MTA1: variants seen among roughly 807,000 people sequenced by gnomAD.
The protein encoded by MTA1 is metastasis-associated protein MTA1.
Under a neutral mutation model 97.0 loss-of-function variants are expected in MTA1, and 15 were observed. The observed-to-expected ratio is 0.15, with a 90% CI of 0.10 to 0.24. The LOEUF is 0.24. Ranked by LOEUF, MTA1 falls within the 10% of genes least tolerant of loss-of-function variation. MTA1 has a pLI of 1.00. For synonymous variants in MTA1, 435 were observed against 417.5 expected (o/e 1.04, Z -0.51); for missense variants, 709 against 1,015.1 (o/e 0.70, Z 4.10).
chr14:105,468,503 G>A (rs1213960923), intron 18 of MTA1, among the ~76,000 whole-genome samples: 3 of 152,216 alleles, frequency 2.0e-5, no homozygotes, highest in Non-Finnish European at 4.4e-5. Context: ...CAAACTGGCA[G>A]GGAAAGGCTG....
intron 1 of MTA1, among the ~76,000 whole-genome samples, chr14:105,423,726 C>G (rs1325044817): frequency 6.6e-6 from 1 of 152,256 alleles, no homozygotes; most frequent in Non-Finnish European, 1.5e-5. Context: ...CCATCATCTG[C>G]GCTCTGGCGC....
intron 7 of MTA1, among the ~76,000 whole-genome samples, chr14:105,456,902 C>T (rs587760387): frequency 1.2e-4 from 19 of 152,336 alleles, no homozygotes; most frequent in Non-Finnish European, 2.8e-4. Flanking sequence ...GCATTGTTTC[C>T]TAGAGGCCGC....
Position 105,424,129 on chromosome 14 carries a change from C to T in MTA1, c.28+4066C>T, listed in dbSNP as rs1439715519. Among the ~76,000 whole-genome samples, 1 of 152,256 alleles carries T rather than the reference C, an allele frequency of 6.6e-6. No homozygotes were observed. The highest frequency in any genetic ancestry group is 2.4e-5 in the African/African-American group (1 of 41,466). On this transcript the variant is annotated intron_variant, in intron 1 of 20. Transcript: ENST00000331320. This position sits in a 1 kb window ranked among gnomAD's most constrained non-coding sequence, Gnocchi z 4.0. ...AGCACTGCGCCATTGGCAGCCCTGG[C>T]TCACTCTCCAGGCAGGATGGGCCAC...
In MTA1 at chr14:105,460,832, C is replaced by T. The variant is rs1249186256; in HGVS notation, c.821C>T (p.Pro274Leu). The T allele has an allele frequency of 1.9e-6, 3 of 1,611,726 alleles. No individual in the cohort carries two copies. The highest frequency in any genetic ancestry group is 2.5e-6 in the Non-Finnish European group (3 of 1,179,274). Residue 274 changes from proline to leucine, a missense_variant, in exon 10 of 21, where the codon CCG (proline) becomes CTG (leucine). By Grantham distance (98) the Pro-to-Leu change is moderately conservative. Transcript: ENST00000331320. The part of the protein sequence containing the change: ...DISKAISALV[P>L]QGGPVLCRDE... Reference sequence around the variant, plus strand: ...TCCAAGGCCATCTCGGCGCTGGTGCCGCAGGGCGGGCCCGTGCTCTGCAGG... The same window carrying T: ...TCCAAGGCCATCTCGGCGCTGGTGCTGCAGGGCGGGCCCGTGCTCTGCAGG...
rs1055825359 is a variant in MTA1, at chr14:105,424,221, G to T, written c.28+4158G>T. On this transcript the variant is annotated intron_variant, in intron 1 of 20. Coordinates refer to ENST00000331320, the MANE Select transcript of MTA1 (RefSeq NM_004689.4). The surrounding 1 kb of genome is among the most constrained non-coding windows in gnomAD (Gnocchi z 4.0). ...TCCACCTTTGTTTTTTTGAGACGGA[G>T]TCTCGCTCTGTCCCCCAGGCTGGAG... 2.0e-4 allele frequency among the ~76,000 whole-genome samples: 31 copies of T among 152,334 alleles called. No individual in the cohort carries two copies. Among genetic ancestry groups the T allele is most frequent in the African/African-American group, 7.0e-4 (29 of 41,580 alleles).
At position 105,470,397 on chromosome 14, in the gene MTA1, G is replaced by A. The variant is rs2083793052; in HGVS notation, c.*182G>A. The A allele has an allele frequency of 3.7e-6, 2 of 536,374 alleles. No individual in the cohort carries two copies. Among genetic ancestry groups the A allele is most frequent in the Non-Finnish European group, 6.2e-6 (2 of 324,772 alleles). The allele number at this position is 536,374 out of a possible 1,614,324, so 33.2% of individuals were successfully genotyped here. ...AAGAAGCGCGGCTAACTTATTCCGA[G>A]AATGCCGAGGAGTTGTCGTTTTTAG... On this transcript the variant is annotated 3_prime_UTR_variant, in exon 21 of 21. Coordinates refer to ENST00000331320, the MANE Select transcript of MTA1 (RefSeq NM_004689.4).
chr14:105,448,858 G>A (rs1044817691), intron 3 of MTA1, among the ~76,000 whole-genome samples: 1 of 152,260 alleles, frequency 6.6e-6, no homozygotes, highest in South Asian at 2.1e-4. Flanking sequence ...TGGGGACCTT[G>A]GGCTCAGAGA....
chr14:105,425,495 C>T (rs906602085), intron 1 of MTA1, among the ~76,000 whole-genome samples: 8 of 152,126 alleles, frequency 5.3e-5, no homozygotes, highest in African/African-American at 9.7e-5. Context: ...AGGCTGGTCT[C>T]GAACTCCCGT....
At chr14:105,464,170 G>A in intron 13 of MTA1, 23 bp downstream of exon 13, 2 of 1,599,526 alleles carry the variant, frequency 1.3e-6, no homozygotes, top group Non-Finnish European at 1.7e-6. Flanking sequence ...GATGGCCGGG[G>A]GCACACCGCA....
chr14:105,436,455 A>G (rs2082326920), intron 1 of MTA1, among the ~76,000 whole-genome samples: 1 of 152,342 alleles, frequency 6.6e-6, no homozygotes, highest in East Asian at 1.9e-4. Flanking sequence ...GGAAGTCCAT[A>G]GTCATGTTGT....
At chr14:105,441,788 T>C (rs150040927) in intron 2 of MTA1, among the ~76,000 whole-genome samples, 7,450 of 152,020 alleles carry the variant, frequency 0.049, 624 homozygotes, top group African/African-American at 0.17. Flanking sequence ...AGCGAGACTC[T>C]GTCTCAAAAA....
At chr14:105,468,026 C>T in intron 18 of MTA1, 1 of 324,662 alleles carries the variant, frequency 3.1e-6, no homozygotes, top group Non-Finnish European at 6.1e-6. Context: ...GAGGGGTCAG[C>T]CACAGAGGAA....
chr14:105,420,086 C>T lies in MTA1; in HGVS notation c.28+23C>T. On this transcript the variant is annotated intron_variant, in intron 1 of 20. Coordinates refer to ENST00000331320, the MANE Select transcript of MTA1 (RefSeq NM_004689.4). The surrounding 1 kb of genome is among the most constrained non-coding windows in gnomAD (Gnocchi z 5.3). ...GAGGTAAGGCCGCACCGCCTTTATG[C>T]CCGGCCCCGACCCGCCCGCAGCCCC... 2.8e-6 allele frequency: 3 copies of T among 1,055,624 alleles called. No homozygotes were observed. The highest frequency in any genetic ancestry group is 2.3e-6 in the Non-Finnish European group (2 of 869,984). 65.4% of individuals were successfully genotyped at this position (1,055,624 alleles called of 1,614,324 possible). A position where few individuals can be genotyped will look rare whatever the true frequency, so the allele number is the denominator to read the frequency against.
At chr14:105,458,238 C>T (rs758775147) in intron 7 of MTA1, 32 bp from the exon 8 acceptor site, 31 of 1,592,948 alleles carry the variant, frequency 1.9e-5, no homozygotes, top group African/African-American at 6.7e-5. Context: ...CGTGGGACCC[C>T]GTCTCAGAAA....
rs374752646 is a variant in MTA1, at chr14:105,458,226, G to A, written c.551-44G>A. The A allele has an allele frequency of 8.8e-5, 137 of 1,562,430 alleles. 2 individuals are homozygous for A. In the Admixed American group the frequency reaches 2.0e-3, roughly 23 times the overall value. On this transcript the variant is annotated intron_variant, in intron 7 of 20. Coordinates refer to ENST00000331320, the MANE Select transcript of MTA1 (RefSeq NM_004689.4). ...GGGGAGGAGAGGCGCGGCCCGGCGC[G>A]CCGTGGGACCCCGTCTCAGAAAGGC... is the stretch of plus-strand genomic sequence containing the variant.
rs1555421339 is a variant in MTA1 at position 105,422,950 on chromosome 14, C to T, written c.28+2887C>T. On this transcript the variant is annotated intron_variant, in intron 1 of 20. Transcript: ENST00000331320. The surrounding 1 kb of genome is among the most constrained non-coding windows in gnomAD (Gnocchi z 4.3). ...CCTCTGCTTCTCAAGGGTTGTCCAT[C>T]CCGAGGGCTGGGGAAGGCTTGAAAC... 6.6e-6 allele frequency among the ~76,000 whole-genome samples: 1 copy of T among 152,182 alleles called. No individual in the cohort carries two copies. Among genetic ancestry groups the T allele is most frequent in the East Asian group, 1.9e-4 (1 of 5,162 alleles).
intron 3 of MTA1, among the ~76,000 whole-genome samples, chr14:105,448,418 C>G (rs782077444): frequency 2.0e-5 from 3 of 152,172 alleles, no homozygotes; most frequent in Non-Finnish European, 4.4e-5. Flanking sequence ...CCGCTGTGGG[C>G]TCCTGTCCAG....
chr14:105,460,049 A>G (rs1355311691), intron 8 of MTA1, among the ~76,000 whole-genome samples: 2 of 21,650 alleles, frequency 9.2e-5, no homozygotes, highest in African/African-American at 2.2e-4. Context: ...GGTCCCTGGC[A>G]CCTGGGGAGC....
chr14:105,438,817 T>A (rs1398850786), intron 2 of MTA1, 78 bp downstream of exon 2: 19 of 1,484,494 alleles, frequency 1.3e-5, no homozygotes, highest in Non-Finnish European at 1.8e-5. Flanking sequence ...GGGTGGCCAG[T>A]GTGGGTGGCC....
Sources: gnomAD v4.1 joint callset for allele counts (sites outside exome capture counted in the v4.1 genomes callset) on GRCh38, gnomAD v4.1.1 for gene constraint, Gnocchi (gnomAD v3.1) non-coding constraint, MANE v1.5 for transcripts, NCBI Gene and HGNC (gene_info 2026-07-23, HGNC 2026-07-21) for gene names.